The following WNK1 variants were observed in gnomAD, a reference collection of about 807,000 sequenced individuals.
WNK1 encodes WNK lysine deficient protein kinase 1.
WNK1 carries 38 observed loss-of-function variants against 222.8 expected under a neutral mutation model. The ratio of observed to expected loss-of-function variants is 0.17; its 90% CI spans 0.13 to 0.22. The LOEUF (loss-of-function observed/expected upper bound fraction) is 0.22, where lower values mean the gene tolerates loss of function less well. WNK1 is among the 10% of genes least tolerant of loss of function. The pLI, the probability that WNK1 is intolerant of heterozygous loss-of-function variation, is 1.00. For missense variants in WNK1, 2,348 were observed against 2,918.4 expected (o/e 0.80, Z 4.50); for synonymous variants, 1,090 against 1,092.9 (o/e 1.00, Z 0.05).
rs1468308650 is a variant in WNK1, at chr12:910,410, T to TACA, written c.*1621_*1623dup. ...ATTGTGCCACCTTTATTTCTAGAAG[T>TACA]ACAACTAATATGTTCACATTTTCAA... On this transcript the variant is annotated 3_prime_UTR_variant, in exon 28 of 28. Transcript: ENST00000315939. The TACA allele has an allele frequency of 2.0e-5, 3 of 152,162 alleles. No individual in the cohort carries two copies. The highest frequency in any genetic ancestry group is 1.3e-4 in the Admixed American group (2 of 15,278). The allele number at this position is 152,162 out of a possible 1,614,324, so 9.4% of individuals were successfully genotyped here. A position where few individuals can be genotyped will look rare whatever the true frequency, so the allele number is the denominator to read the frequency against.
intron 26 of WNK1, chr12:906,475 T>G: frequency 2.0e-6 from 2 of 985,336 alleles, no homozygotes; most frequent in Non-Finnish European, 2.4e-6. Context: ...TGGGAGTGCT[T>G]GCTGTTCTGG....
At chr12:796,678 C>T (rs1565443261) in intron 1 of WNK1, among the ~76,000 whole-genome samples, 1 of 152,148 alleles carries the variant, frequency 6.6e-6, no homozygotes, top group Non-Finnish European at 1.5e-5. Flanking sequence ...AACCATTTTT[C>T]CTGCCCCTAA....
chr12:861,803 A>G (rs1010054356), intron 7 of WNK1, among the ~76,000 whole-genome samples: 3 of 152,188 alleles, frequency 2.0e-5, no homozygotes, highest in African/African-American at 7.2e-5. Context: ...CTCCATAATT[A>G]AGACTTTGAA....
intron 1 of WNK1, among the ~76,000 whole-genome samples, chr12:788,744 G>T (rs536740068): frequency 6.6e-6 from 1 of 151,978 alleles, no homozygotes; most frequent in Non-Finnish European, 1.5e-5. Context: ...AAAATTAGCC[G>T]GGCGTGGTGG....
chr12:851,216 C>G (rs1950396931), intron 4 of WNK1, among the ~76,000 whole-genome samples: 1 of 152,212 alleles, frequency 6.6e-6, no homozygotes, highest in African/African-American at 2.4e-5. Flanking sequence ...TGAGTTTACA[C>G]TTTGTTCATT....
Position 764,983 on chromosome 12 carries a change from G to C in WNK1, c.759+10659G>C, listed in dbSNP as rs1014316992. Among the ~76,000 whole-genome samples, 22 of 147,162 alleles carry C rather than the reference G, an allele frequency of 1.5e-4. 2 individuals are homozygous for C. The highest frequency in any genetic ancestry group is 4.6e-4 in the African/African-American group (19 of 41,008). On this transcript the variant is annotated intron_variant, in intron 1 of 27. Transcript: ENST00000315939. ...CCTGAGTAGCTGGGATTACAGGCAC[G>C]TGCCACCACACCCAGCTAATTTTGT...
At chr12:893,280 G>A (rs1168631677) in intron 22 of WNK1, among the ~76,000 whole-genome samples, 1 of 151,878 alleles carries the variant, frequency 6.6e-6, no homozygotes, top group African/African-American at 2.4e-5. Context: ...AAGAAATTCT[G>A]AATAATTTAA....
Position 908,796 on chromosome 12 carries a change from T to C in WNK1, c.*4T>C, listed in dbSNP as rs1955909481. 7.2e-7 allele frequency: 1 copy of C among 1,389,260 alleles called. No homozygotes were observed. Among genetic ancestry groups the C allele is most frequent in the Non-Finnish European group, 9.5e-7 (1 of 1,048,802 alleles). 86.1% of individuals were successfully genotyped at this position (1,389,260 alleles called of 1,614,324 possible). ...CTCCAACCTGCGGACCACTTAGACC[T>C]AGAGACATTAACTGAATAGATCTGG... On this transcript the variant is annotated 3_prime_UTR_variant, in exon 28 of 28. Transcript: ENST00000315939.
At chr12:858,394 T>C (rs887590502) in intron 5 of WNK1, among the ~76,000 whole-genome samples, 1 of 152,160 alleles carries the variant, frequency 6.6e-6, no homozygotes, top group Admixed American at 6.5e-5. Context: ...TTCACCATAT[T>C]GGTCAGGCGG....
intron 1 of WNK1, among the ~76,000 whole-genome samples, chr12:756,723 ACTTTTAT>A (rs1378526201): frequency 1.3e-5 from 2 of 152,212 alleles, no homozygotes; most frequent in African/African-American, 4.8e-5. Context: ...CAGTGTTTGA[ACTTTTAT>A]CTTTGGAGCC....
At chr12:831,943 G>A (rs1276853578) in intron 4 of WNK1, among the ~76,000 whole-genome samples, 1 of 151,960 alleles carries the variant, frequency 6.6e-6, no homozygotes, top group Non-Finnish European at 1.5e-5. Flanking sequence ...GCACCGAGAA[G>A]CTCATAGTAT....
intron 1 of WNK1, among the ~76,000 whole-genome samples, chr12:789,087 A>G (rs1452588145): frequency 6.6e-6 from 1 of 152,168 alleles, no homozygotes; most frequent in Admixed American, 6.5e-5. Flanking sequence ...TTTGTTGGTG[A>G]AATCAGGAGT....
At chr12:864,880 C>G (rs1320475217) in intron 8 of WNK1, among the ~76,000 whole-genome samples, 4 of 151,900 alleles carry the variant, frequency 2.6e-5, no homozygotes, top group Admixed American at 6.6e-5. Context: ...TTATCATGAT[C>G]ATTCATTAAA....
At chr12:882,733 G>A (rs1486770742) in intron 14 of WNK1, among the ~76,000 whole-genome samples, 1 of 152,168 alleles carries the variant, frequency 6.6e-6, no homozygotes, top group African/African-American at 2.4e-5. Flanking sequence ...AAAGAATAGA[G>A]AGTTTTAGTA....
At chr12:879,469 C>CTTCTTTTT in intron 10 of WNK1, 104 bp from the exon 11 acceptor site, 1 of 564,210 alleles carries the variant, frequency 1.8e-6, no homozygotes, top group Non-Finnish European at 2.6e-6. Flanking sequence ...TTTGTTTTTT[C>CTTCTTTTT]CTTCTTTTTG....
chr12:887,185 G>T, intron 19 of WNK1, 36 bp from the exon 20 acceptor site: 1 of 1,589,504 alleles, frequency 6.3e-7, no homozygotes, highest in Non-Finnish European at 8.6e-7. Context: ...TATATTTAGC[G>T]TCTCACGGAC....
intron 4 of WNK1, among the ~76,000 whole-genome samples, chr12:833,702 A>G (rs1236957598): frequency 2.6e-5 from 4 of 152,352 alleles, no homozygotes; most frequent in East Asian, 3.8e-4. Flanking sequence ...CATAAATTCA[A>G]TTAATGTACT....
intron 10 of WNK1, among the ~76,000 whole-genome samples, chr12:878,785 G>GTTTTTTTTTTTTTT: frequency 8.1e-6 from 1 of 123,236 alleles, no homozygotes; most frequent in East Asian, 2.6e-4. Flanking sequence ...TGTGTGGAAT[G>GTTTTTTTTTTTTTT]TTTTTTTTTC....
chr12:771,080 C>T (rs1045368867), intron 1 of WNK1, among the ~76,000 whole-genome samples: 15 of 152,126 alleles, frequency 9.9e-5, no homozygotes, highest in African/African-American at 3.6e-4. Flanking sequence ...TCACTGCAAC[C>T]TCTGCCTCCT....
Sources: allele counts gnomAD v4.1 joint callset (sites outside exome capture counted in the v4.1 genomes callset), GRCh38; gene constraint gnomAD v4.1.1; transcripts MANE v1.5; gene names NCBI Gene and HGNC (gene_info 2026-07-23, HGNC 2026-07-21).